Variants in RARB observed in about 807,000 individuals in gnomAD.
RARB encodes the protein retinoic acid receptor beta.
RARB carries 17 observed loss-of-function variants against 51.9 expected under a neutral mutation model. The ratio of observed to expected loss-of-function variants is 0.33; its 90% CI spans 0.22 to 0.49. The LOEUF (loss-of-function observed/expected upper bound fraction) is 0.49. Among genes scored for constraint, RARB ranks in the 20% least tolerant of loss-of-function variants. The pLI is 0.99. For synonymous variants in RARB, 215 were observed against 195.4 expected (o/e 1.10, Z -0.84); for missense variants, 369 against 550.8 (o/e 0.67, Z 3.30).
At chr3:24,838,770 T>C (rs777923558) in intron 1 of RARB, among the ~76,000 whole-genome samples, 1 of 152,084 alleles carries the variant, frequency 6.6e-6, no homozygotes, top group Admixed American at 6.5e-5. Flanking sequence ...TATATGGCAA[T>C]AGCAGTATGG....
chr3:24,950,726 A>AAAAAAAGT (rs71295100), intron 2 of RARB, among the ~76,000 whole-genome samples: 8 of 149,362 alleles, frequency 5.4e-5, no homozygotes, highest in East Asian at 2.0e-4. Context: ...AAAAAAAAAA[A>AAAAAAAGT]AGGTGATTTG....
chr3:24,975,470 T>A (rs1241085713), intron 2 of RARB, among the ~76,000 whole-genome samples: 1 of 152,164 alleles, frequency 6.6e-6, no homozygotes, highest in Non-Finnish European at 1.5e-5. Context: ...GTTGTTTTAA[T>A]TCAATGATTT....
At chr3:25,300,253 G>A (rs182937414) in intron 5 of RARB, among the ~76,000 whole-genome samples, 25 of 152,282 alleles carry the variant, frequency 1.6e-4, no homozygotes, top group Admixed American at 1.5e-3. Flanking sequence ...CAGCACTGAT[G>A]CATAACTCCT....
chr3:25,095,823 G>T (rs983012565), intron 3 of RARB, among the ~76,000 whole-genome samples: 1 of 152,192 alleles, frequency 6.6e-6, no homozygotes, highest in Non-Finnish European at 1.5e-5. Flanking sequence ...GTCACTTGTA[G>T]TTCTTCTTTC....
chr3:25,302,500 C>G (rs1485367405), intron 5 of RARB, among the ~76,000 whole-genome samples: 1 of 152,142 alleles, frequency 6.6e-6, no homozygotes, highest in East Asian at 1.9e-4. Context: ...GTAAAAGAAA[C>G]CAGTCACAAA....
intron 3 of RARB, among the ~76,000 whole-genome samples, chr3:25,097,446 A>G (rs1197180590): frequency 1.3e-5 from 2 of 152,214 alleles, no homozygotes; most frequent in African/African-American, 4.8e-5. Flanking sequence ...AGGAAATTGC[A>G]GATATTTTCA....
intron 5 of RARB, among the ~76,000 whole-genome samples, chr3:25,235,837 C>T (rs1002841163): frequency 1.3e-5 from 2 of 152,076 alleles, no homozygotes; most frequent in Admixed American, 1.3e-4. Flanking sequence ...CATAATTTTC[C>T]CCATAGTATT....
rs751158250 is a variant in RARB, at chr3:25,593,726, A to T, written c.991+19A>T. 3 of 1,604,202 alleles carry T rather than the reference A, an allele frequency of 1.9e-6. No individual in the cohort carries two copies. Among genetic ancestry groups the T allele is most frequent in the Non-Finnish European group, 2.6e-6 (3 of 1,171,732 alleles). On this transcript the variant is annotated intron_variant, in intron 6 of 7. Transcript: ENST00000330688. The stretch of plus-strand genomic sequence containing the variant: ...TGTGGAGGTACCAACTATGTAGAAA[A>T]GCCTCATGAAATTCCATGAAGAACA...
intron 5 of RARB, among the ~76,000 whole-genome samples, chr3:25,338,303 A>C (rs566290251): frequency 6.6e-6 from 1 of 152,154 alleles, no homozygotes; most frequent in African/African-American, 2.4e-5. Context: ...TGTATTTACA[A>C]AAGGGATGCT....
chr3:25,360,031 G>T (rs757651795), intron 5 of RARB, among the ~76,000 whole-genome samples: 3 of 152,310 alleles, frequency 2.0e-5, no homozygotes, highest in Admixed American at 6.5e-5. Context: ...GAATATCCTT[G>T]TTAATATTCT....
chr3:25,418,944 C>CAAAAAAAAAAAAAA (rs36025962), intron 5 of RARB, among the ~76,000 whole-genome samples: 1 of 108,608 alleles, frequency 9.2e-6, no homozygotes. Flanking sequence ...ACAGACTAAC[C>CAAAAAAAAAAAAAA]AAAAAAAAAA....
At chr3:25,210,865 C>G (rs751132887) in intron 5 of RARB, among the ~76,000 whole-genome samples, 5 of 151,992 alleles carry the variant, frequency 3.3e-5, no homozygotes, top group Non-Finnish European at 7.4e-5. Flanking sequence ...AAAACGTTTA[C>G]TGACTCTTGC....
At chr3:25,242,613 G>A (rs1044879694) in intron 5 of RARB, among the ~76,000 whole-genome samples, 2 of 152,106 alleles carry the variant, frequency 1.3e-5, no homozygotes, top group Non-Finnish European at 2.9e-5. Flanking sequence ...AGATCAGATG[G>A]TTGTAGATGT....
intron 5 of RARB, among the ~76,000 whole-genome samples, chr3:25,219,781 A>T (rs918651398): frequency 1.3e-4 from 20 of 152,128 alleles, no homozygotes; most frequent in African/African-American, 4.6e-4. Context: ...CATACTACCA[A>T]ATGGTTTCAG....
intron 2 of RARB, among the ~76,000 whole-genome samples, chr3:25,054,490 A>G (rs1199756376): frequency 6.6e-6 from 1 of 152,170 alleles, no homozygotes; most frequent in Non-Finnish European, 1.5e-5. Context: ...GGTGTGAACC[A>G]TGATCTCACT....
intron 1 of RARB, among the ~76,000 whole-genome samples, chr3:25,449,895 G>A (rs1235942117): frequency 1.3e-5 from 2 of 151,984 alleles, no homozygotes; most frequent in East Asian, 1.9e-4. Flanking sequence ...GAGATTACAG[G>A]CGCACGCCAC....
intron 5 of RARB, among the ~76,000 whole-genome samples, chr3:25,267,738 GTTCAT>G (rs781367766): frequency 3.9e-5 from 6 of 152,120 alleles, no homozygotes; most frequent in Non-Finnish European, 8.8e-5. Flanking sequence ...CTATCTGGAA[GTTCAT>G]TTTATGTGAC....
intron 2 of RARB, among the ~76,000 whole-genome samples, chr3:25,466,013 G>C (rs1472830809): frequency 2.6e-5 from 4 of 152,086 alleles, no homozygotes; most frequent in Non-Finnish European, 5.9e-5. Flanking sequence ...CTACTTATAA[G>C]CTTGGTGCAA....
intron 5 of RARB, among the ~76,000 whole-genome samples, chr3:25,388,305 T>C (rs564685632): frequency 1.3e-5 from 2 of 152,344 alleles, no homozygotes; most frequent in Non-Finnish European, 2.9e-5. Flanking sequence ...ATTTAATTTC[T>C]AAAGATTTAT....
Sources: allele counts gnomAD v4.1 joint callset (sites outside exome capture counted in the v4.1 genomes callset), GRCh38; gene constraint gnomAD v4.1.1; transcripts MANE v1.5; gene names NCBI Gene and HGNC (gene_info 2026-07-23, HGNC 2026-07-21).